The following KIF2A variants were observed in gnomAD, a reference collection of about 807,000 sequenced individuals.
KIF2A encodes kinesin family member 2A.
A neutral mutation model predicts 100.2 loss-of-function variants in KIF2A; 22 were observed. That is an observed-to-expected ratio of 0.22 (90% confidence interval 0.16 to 0.31). The LOEUF is 0.31. Among genes scored for constraint, KIF2A ranks in the 10% least tolerant of loss-of-function variants. KIF2A has a pLI of 1.00. For synonymous variants in KIF2A, 268 were observed against 285.9 expected, an observed-to-expected ratio of 0.94 and a Z score of 0.63; for missense variants, 495 against 898.7, an observed-to-expected ratio of 0.55 and a Z score of 5.74.
chr5:62,326,067 G>A (rs1053319344), intron 1 of KIF2A, among the ~76,000 whole-genome samples: 6 of 151,900 alleles, frequency 3.9e-5, no homozygotes, highest in Admixed American at 2.0e-4. Context: ...ACCAAACCTC[G>A]GTGACATGCA....
chr5:62,362,609 C>A, intron 12 of KIF2A, 68 bp downstream of exon 12: 1 of 685,848 alleles, frequency 1.5e-6, no homozygotes, highest in Non-Finnish European at 2.2e-6. Context: ...GCCATTTTAA[C>A]CATTTTTAAG....
intron 11 of KIF2A, among the ~76,000 whole-genome samples, chr5:62,361,736 T>G (rs2111955137): frequency 6.6e-6 from 1 of 151,306 alleles, no homozygotes. Context: ...AGACAAGAAC[T>G]GTAGGCTGGG....
chr5:62,385,096 C>T (rs564483425), intron 20 of KIF2A, among the ~76,000 whole-genome samples: 15 of 151,288 alleles, frequency 9.9e-5, no homozygotes, highest in South Asian at 4.2e-4. Flanking sequence ...GAGCCTAGAT[C>T]GCACCATTGC....
chr5:62,341,357 G>C (rs934241170), intron 1 of KIF2A, among the ~76,000 whole-genome samples: 6 of 151,628 alleles, frequency 4.0e-5, no homozygotes, highest in Non-Finnish European at 8.8e-5. Context: ...CTGGAGTGCC[G>C]TGGCACAATC....
At chr5:62,325,173 C>T (rs992157130) in intron 1 of KIF2A, among the ~76,000 whole-genome samples, 7 of 151,810 alleles carry the variant, frequency 4.6e-5, no homozygotes, top group Admixed American at 6.6e-5. Context: ...CACCCAGGCT[C>T]GAGTGCAGTG....
Position 62,358,274 on chromosome 5 carries a change from T to C in KIF2A, c.847T>C (p.Ser283Pro). The stretch of plus-strand genomic sequence containing the variant: ...TCGTTTTGATTATGCCTTTGATGAC[T>C]CAGCTCCTAATGAAATGGTTTACAG... ...TFRFDYAFDDSAPNEMVYRFT... is the reference protein window; with the variant it reads ...TFRFDYAFDDPAPNEMVYRFT... Residue 283 changes from serine to proline, a missense_variant, in exon 9 of 21, where the codon TCA (serine) becomes CCA (proline). By Grantham distance (74) the Ser-to-Pro change is moderately conservative. Transcript: ENST00000407818. The C allele has an allele frequency of 6.3e-7, 1 of 1,588,048 alleles. No individual in the cohort carries two copies. The highest frequency in any genetic ancestry group is 2.3e-5 in the East Asian group (1 of 44,094).
chr5:62,310,589 C>T lies in KIF2A; in HGVS notation c.64+4053C>T, dbSNP rs749916758. On this transcript the variant is annotated intron_variant, in intron 1 of 20. Transcript: ENST00000407818. ...CTCCCTACTCTGGCCCTCTACTTCC[C>T]GCTGGCCTGTTAGTCAGGAACTACA... Among the ~76,000 whole-genome samples, 795 of 152,274 alleles carry T rather than the reference C, an allele frequency of 5.2e-3. 8 individuals carry two copies. Among genetic ancestry groups the T allele is most frequent in the African/African-American group, 0.018 (746 of 41,538 alleles).
At chr5:62,337,489 CA>C (rs58967018) in intron 1 of KIF2A, among the ~76,000 whole-genome samples, 7 of 145,324 alleles carry the variant, frequency 4.8e-5, no homozygotes, top group Admixed American at 6.9e-5. Flanking sequence ...AAGACTGTCT[CA>C]AAAAAAAAAA....
intron 1 of KIF2A, among the ~76,000 whole-genome samples, chr5:62,323,617 G>A: frequency 6.6e-6 from 1 of 152,168 alleles, no homozygotes; most frequent in Non-Finnish European, 1.5e-5. Flanking sequence ...AGGATAGCTA[G>A]AATTTGTTTC....
intron 1 of KIF2A, among the ~76,000 whole-genome samples, chr5:62,321,349 A>G (rs997376835): frequency 6.6e-6 from 1 of 152,176 alleles, no homozygotes; most frequent in Admixed American, 6.5e-5. Flanking sequence ...ATTATTTTCA[A>G]AAGTGGCTAT....
At chr5:62,337,813 T>TAAA (rs59410551) in intron 1 of KIF2A, among the ~76,000 whole-genome samples, 2 of 136,444 alleles carry the variant, frequency 1.5e-5, no homozygotes, top group East Asian at 2.1e-4. Flanking sequence ...CCCGAACTCT[T>TAAA]AAAAAAAAAA....
intron 1 of KIF2A, among the ~76,000 whole-genome samples, chr5:62,325,174 G>A (rs1456303236): frequency 2.0e-5 from 3 of 151,796 alleles, no homozygotes; most frequent in East Asian, 1.9e-4. Context: ...ACCCAGGCTC[G>A]AGTGCAGTGG....
rs1380512070 is a variant in KIF2A at position 62,353,370 on chromosome 5, G to T, written c.553G>T (p.Ala185Ser). 4.6e-6 allele frequency: 7 copies of T among 1,525,194 alleles called. No individual in the cohort carries two copies. The highest frequency in any genetic ancestry group is 1.4e-5 in the African/African-American group (1 of 71,114). The allele number at this position is 1,525,194 out of a possible 1,614,324, so 94.5% of individuals were successfully genotyped here. Residue 185 changes from alanine to serine, a missense_variant, in exon 6 of 21, where the codon GCC becomes TCC. Physicochemically the swap from Ala to Ser is moderately conservative, Grantham distance 99 (BLOSUM62 1). Coordinates refer to ENST00000407818, the MANE Select transcript of KIF2A (RefSeq NM_001098511.3). ...LQQQELREKR[A>S]QDVDATNPNY... ...ACAGCAAGAACTTAGAGAAAAAAGA[G>T]CCCAGGTTCGTAACATAAACATATA...
Position 62,349,955 on chromosome 5 carries a change from T to C in KIF2A, c.280-111T>C. On this transcript the variant is annotated intron_variant, in intron 3 of 20. Coordinates refer to ENST00000407818, the MANE Select transcript of KIF2A (RefSeq NM_001098511.3). ...AGATTATAGTTTTTCTTCATTTTGT[T>C]TTATATTCTTACATGTCTGCCTACT... 3 of 653,064 alleles carry C rather than the reference T, an allele frequency of 4.6e-6. No individual in the cohort carries two copies. In the South Asian group the frequency reaches 5.7e-5, roughly 12 times the overall value. 40.5% of individuals were successfully genotyped at this position (653,064 alleles called of 1,614,324 possible). A position where few individuals can be genotyped will look rare whatever the true frequency, so the allele number is the denominator to read the frequency against.
intron 1 of KIF2A, among the ~76,000 whole-genome samples, chr5:62,341,164 A>T (rs1172139388): frequency 1.3e-5 from 2 of 152,170 alleles, no homozygotes; most frequent in African/African-American, 4.8e-5. Flanking sequence ...GCCCTGCTCA[A>T]CCTCTAGAGT....
At chr5:62,372,950 C>T (rs1580093293) in intron 17 of KIF2A, among the ~76,000 whole-genome samples, 2 of 152,058 alleles carry the variant, frequency 1.3e-5, no homozygotes, top group African/African-American at 4.8e-5. Context: ...AGTTTACCCT[C>T]TTTTGGCCGG....
rs1480810000 is a variant in KIF2A at position 62,362,471 on chromosome 5, T to G, written c.1049T>G (p.Leu350Arg). 1 of 1,454,538 alleles carries G rather than the reference T, an allele frequency of 6.9e-7. No individual in the cohort carries two copies. The highest frequency in any genetic ancestry group is 9.1e-7 in the Non-Finnish European group (1 of 1,104,524). The allele number at this position is 1,454,538 out of a possible 1,614,324, so 90.1% of individuals were successfully genotyped here. A position where few individuals can be genotyped will look rare whatever the true frequency, so the allele number is the denominator to read the frequency against. The change falls in exon 12 of 21, where the codon CTA becomes CGA. Residue 350 changes from leucine to arginine, a missense_variant. Around this residue, in one of 10 missense-constraint regions of KIF2A, gnomAD observed 22 missense variants for 19.3 expected, o/e 1.14. Transcript: ENST00000407818. Reference protein sequence around the residue: ...ALAARDVFLMLKKPNYKKLEL... With the variant: ...ALAARDVFLMRKKPNYKKLEL... ...ACAGCTCGAGATGTCTTTTTAATGCTAAAGAAGCCAAACTATAAGAAGCTA... is the reference window on the plus strand; with the variant it reads ...ACAGCTCGAGATGTCTTTTTAATGCGAAAGAAGCCAAACTATAAGAAGCTA...
At chr5:62,349,907 AT>A (rs1411347206) in intron 3 of KIF2A, among the ~76,000 whole-genome samples, 158 bp from the exon 4 acceptor site, 2 of 152,190 alleles carry the variant, frequency 1.3e-5, no homozygotes, top group Non-Finnish European at 2.9e-5. Flanking sequence ...TTGAATATTG[AT>A]AGCATTAATA....
intron 1 of KIF2A, among the ~76,000 whole-genome samples, chr5:62,313,465 G>A (rs983717490): frequency 6.6e-6 from 1 of 151,646 alleles, no homozygotes. Context: ...CGATTCTCCT[G>A]CCTCAGCCTC....
Sources: gnomAD v4.1 joint callset for allele counts (sites outside exome capture counted in the v4.1 genomes callset) on GRCh38, gnomAD v4.1.1 for gene constraint, gnomAD v4.1.1 regional missense constraint, MANE v1.5 for transcripts, NCBI Gene and HGNC (gene_info 2026-07-23, HGNC 2026-07-21) for gene names.